LTF: variants seen among roughly 807,000 people sequenced by gnomAD.
LTF encodes epididymis luminal protein 110.
In LTF, 91 loss-of-function variants were observed where a neutral mutation model predicts 87.2. The observed-to-expected ratio is 1.04, with a 90% CI of 0.88 to 1.24. The LOEUF (loss-of-function observed/expected upper bound fraction) is 1.24. LTF is among the 50% of genes most tolerant of loss of function. LTF has a pLI of 0.00. For missense variants in LTF, 901 were observed against 904.3 expected (o/e 1.00, Z 0.05); for synonymous variants, 378 against 356.1 (o/e 1.06, Z -0.69).
In LTF at chr3:46,448,967, C is replaced by T; in HGVS notation, c.1108G>A (p.Gly370Ser). 1 of 1,613,486 alleles carries T rather than the reference C, an allele frequency of 6.2e-7. No homozygotes were observed. Among genetic ancestry groups the T allele is most frequent in the African/African-American group, 1.3e-5 (1 of 74,994 alleles). Residue 370 changes from glycine (G) to serine (S), a missense_variant, in exon 9 of 17, where the codon GGC becomes AGC. Physicochemically the swap from Gly to Ser is moderately conservative, Grantham distance 56. Transcript: ENST00000231751. ...RRARVVWCAVGEQELRKCNQW... is the reference protein window; with the variant it reads ...RRARVVWCAVSEQELRKCNQW... Reference sequence around the variant, plus strand: ...TTACACTTGCGCAGCTCCTGCTCGCCCACCGCACACCACACGACCCGCGCA... The same window carrying T: ...TTACACTTGCGCAGCTCCTGCTCGCTCACCGCACACCACACGACCCGCGCA...
rs1702512935 is a variant in LTF at position 46,441,465 on chromosome 3, A to G, written c.1674T>C (p.Ala558=). 2 of 1,613,804 alleles carry G rather than the reference A, an allele frequency of 1.2e-6. No individual in the cohort carries two copies. The highest frequency in any genetic ancestry group is 1.7e-6 in the Non-Finnish European group (2 of 1,179,796). Reference sequence around the variant, plus strand: ...CATCTTTCACAAATGCAACGTCTCCAGCATTCTCAGCCAGGCACCTAAAAT... The same window carrying G: ...CATCTTTCACAAATGCAACGTCTCCGGCATTCTCAGCCAGGCACCTAAAAT... ...TGAFRCLAEN[A]GDVAFVKDVT... The change falls in exon 14 of 17, where the codon GCT becomes GCC. Residue 558 remains alanine, a synonymous_variant. Coordinates refer to ENST00000231751, the MANE Select transcript of LTF (RefSeq NM_002343.6).
At chr3:46,439,245 T>C (rs1575303597) in intron 15 of LTF, 51 bp downstream of exon 15, 12 of 1,533,778 alleles carry the variant, frequency 7.8e-6, no homozygotes, top group Middle Eastern at 1.8e-4. Context: ...TCTCCTCACC[T>C]AACATGAGCC....
chr3:46,464,989 C>T (rs1703179306), upstream of LTF: 6 of 954,280 alleles, frequency 6.3e-6, no homozygotes, highest in Non-Finnish European at 3.3e-6. Context: ...CTCCCCACTC[C>T]CCGCGGCCAG....
intron 10 of LTF, 85 bp downstream of exon 10, chr3:46,447,223 C>G (rs1235174856): frequency 1.1e-6 from 1 of 913,270 alleles, no homozygotes; most frequent in African/African-American, 1.6e-5. Context: ...CATAATGTTT[C>G]ACCTGCATTC....
intron 11 of LTF, 113 bp downstream of exon 11, chr3:46,446,327 C>T: frequency 2.7e-6 from 2 of 740,924 alleles, no homozygotes; most frequent in Non-Finnish European, 4.6e-6. Flanking sequence ...CTCCTAGAAG[C>T]CCTATAGCTT....
chr3:46,463,394 ACTC>A, intron 1 of LTF: 1 of 910,904 alleles, frequency 1.1e-6, no homozygotes, highest in Non-Finnish European at 1.3e-6. Flanking sequence ...AAGCAGACAG[ACTC>A]CTCCACCCAA....
Position 46,441,553 on chromosome 3 carries a change from A to G in LTF, c.1656-70T>C. On this transcript the variant is annotated intron_variant, in intron 13 of 16. Transcript: ENST00000231751. ...TAGTGGGGCTTTCATAAATATTTGT[A>G]ATATGCATTCCAAAAACTGAAATAT... 5.3e-6 allele frequency: 6 copies of G among 1,125,028 alleles called. No homozygotes were observed. The South Asian group carries it at 7.9e-5, about 15-fold the overall frequency. 69.7% of individuals were successfully genotyped at this position (1,125,028 alleles called of 1,614,324 possible).
chr3:46,443,479 G>A lies in LTF; in HGVS notation c.1617C>T (p.Asn539=). Residue 539 remains asparagine, a synonymous_variant, in exon 13 of 17, where the codon AAC becomes AAT. Coordinates refer to ENST00000231751, the MANE Select transcript of LTF (RefSeq NM_002343.6). ...DEQGENKCVP[N]SNERYYGYTG... Reference sequence around the variant, plus strand: ...TGTAGCCGTAGTATCTCTCGTTGCTGTTGGGCACGCACTTATTCTCACCCT... The same window carrying A: ...TGTAGCCGTAGTATCTCTCGTTGCTATTGGGCACGCACTTATTCTCACCCT... 1.2e-6 allele frequency: 2 copies of A among 1,614,214 alleles called. No individual in the cohort carries two copies. Among genetic ancestry groups the A allele is most frequent in the Non-Finnish European group, 1.7e-6 (2 of 1,180,040 alleles).
intron 1 of LTF, among the ~76,000 whole-genome samples, chr3:46,482,212 T>G (rs1703441140): frequency 6.6e-6 from 1 of 152,024 alleles, no homozygotes; most frequent in Non-Finnish European, 1.5e-5. Flanking sequence ...TCCCAACACT[T>G]TGGGAGGCCG....
intron 1 of LTF, among the ~76,000 whole-genome samples, chr3:46,479,700 T>C (rs142444317): frequency 6.6e-6 from 1 of 152,118 alleles, no homozygotes; most frequent in Non-Finnish European, 1.5e-5. Flanking sequence ...ATTTTTGTAT[T>C]TTTAGTAGAG....
chr3:46,465,157 A>G (rs1208961886), upstream of LTF: 3 of 492,190 alleles, frequency 6.1e-6, no homozygotes, highest in East Asian at 7.8e-5. Context: ...GCAAGCCCCT[A>G]GGAGTCGCAG....
At chr3:46,457,764 A>G (rs1702973724) in intron 2 of LTF, among the ~76,000 whole-genome samples, 1 of 151,846 alleles carries the variant, frequency 6.6e-6, no homozygotes, top group South Asian at 2.1e-4. Context: ...ATGATTCTAC[A>G]TTTTTTCCAA....
intron 4 of LTF, 148 bp from the exon 5 acceptor site, chr3:46,455,590 T>A: frequency 8.7e-7 from 1 of 1,142,990 alleles, no homozygotes; most frequent in Non-Finnish European, 1.2e-6. Flanking sequence ...GCTCGAGACA[T>A]GCACCTCTGC....
rs558916476 is a variant in LTF at position 46,464,717 on chromosome 3, G to C, written c.43+108C>G. 24 of 1,232,186 alleles carry C rather than the reference G, an allele frequency of 1.9e-5. No homozygotes were observed. In the South Asian group the frequency reaches 3.0e-4, roughly 15 times the overall value. 76.3% of individuals were successfully genotyped at this position (1,232,186 alleles called of 1,614,324 possible). On this transcript the variant is annotated intron_variant, in intron 1 of 16. Transcript: ENST00000231751. Reference sequence around the variant, plus strand: ...GCTGTAGGCGCTGGGACCGCGGGGCGCAGAGACCCCGCGCCCAGCCAACCG... The same window carrying C: ...GCTGTAGGCGCTGGGACCGCGGGGCCCAGAGACCCCGCGCCCAGCCAACCG...
chr3:46,441,557 T>C (rs1490725735), intron 13 of LTF, 74 bp from the exon 14 acceptor site: 2 of 1,092,282 alleles, frequency 1.8e-6, no homozygotes, highest in Non-Finnish European at 2.8e-6. Context: ...ATTTGTAATA[T>C]GCATTCCAAA....
chr3:46,473,592 A>G (rs949452460), intron 1 of LTF, among the ~76,000 whole-genome samples: 1 of 152,220 alleles, frequency 6.6e-6, no homozygotes, highest in African/African-American at 2.4e-5. Flanking sequence ...TGGAGGCTCC[A>G]GGGGGAATCC....
rs1702919028 is a variant in LTF at position 46,455,949 on chromosome 3, C to T, written c.346G>A (p.Val116Met). The change falls in exon 4 of 17, where the codon GTG (valine) becomes ATG (methionine). Residue 116 changes from valine (V) to methionine (M), a missense_variant. Val to Met is a conservative substitution (Grantham distance 21). Coordinates refer to ENST00000231751, the MANE Select transcript of LTF (RefSeq NM_002343.6). ...QPRTHYYAVA[V>M]VKKGGSFQLN... ...TGAAAGCTGCCGCCCTTCTTCACCA[C>T]AGCCACGGCATAATAGTGAGTTCGT... The T allele has an allele frequency of 6.2e-7, 1 of 1,606,490 alleles. No individual in the cohort carries two copies. The highest frequency in any genetic ancestry group is 1.3e-5 in the African/African-American group (1 of 74,664).
chr3:46,476,187 C>T (rs1464507788), intron 1 of LTF, among the ~76,000 whole-genome samples: 1 of 152,150 alleles, frequency 6.6e-6, no homozygotes, highest in Admixed American at 6.5e-5. Context: ...TGATTTTGCA[C>T]TAGATGGGAC....
intron 1 of LTF, among the ~76,000 whole-genome samples, chr3:46,463,041 G>C (rs11130091): frequency 0.28 from 42,477 of 151,794 alleles, 6,272 homozygotes; most frequent in South Asian, 0.42. Flanking sequence ...AAGTCTCCAC[G>C]CTCTTACCTC....
Sources: allele counts gnomAD v4.1 joint callset (sites outside exome capture counted in the v4.1 genomes callset), GRCh38; gene constraint gnomAD v4.1.1; transcripts MANE v1.5; gene names NCBI Gene and HGNC (gene_info 2026-07-23, HGNC 2026-07-21).